The following DGKB variants were observed in gnomAD, a reference collection of about 807,000 sequenced individuals.
DGKB encodes diacylglycerol kinase beta.
Under a neutral mutation model 114.3 loss-of-function variants are expected in DGKB, and 67 were observed. The ratio of observed to expected loss-of-function variants is 0.59; its 90% confidence interval spans 0.48 to 0.72. DGKB has a LOEUF of 0.72. Ranked by LOEUF, DGKB falls within the 30% of genes least tolerant of loss-of-function variation. DGKB has a pLI of 0.00. For missense variants in DGKB, 907 were observed against 975.2 expected (o/e 0.93, Z 0.93); for synonymous variants, 398 against 323.1 (o/e 1.23, Z -2.49).
chr7:14,843,257 C>T (rs1848182752), intron 1 of DGKB, among the ~76,000 whole-genome samples: 1 of 146,830 alleles, frequency 6.8e-6, no homozygotes, highest in Non-Finnish European at 1.5e-5. Flanking sequence ...TATACCAAGA[C>T]ATCACACTGC....
intron 21 of DGKB, among the ~76,000 whole-genome samples, chr7:14,452,389 A>G (rs1029220051): frequency 6.6e-6 from 1 of 152,150 alleles, no homozygotes; most frequent in East Asian, 1.9e-4. Context: ...TTAAAATAAT[A>G]TTTACTTTGC....
At chr7:14,184,338 G>A (rs979767796) in intron 23 of DGKB, among the ~76,000 whole-genome samples, 2 of 152,196 alleles carry the variant, frequency 1.3e-5, no homozygotes, top group African/African-American at 4.8e-5. Flanking sequence ...AAACTCCACA[G>A]GCAGGGGAAG....
At chr7:14,434,166 T>G (rs1171683386) in intron 21 of DGKB, among the ~76,000 whole-genome samples, 1 of 152,180 alleles carries the variant, frequency 6.6e-6, no homozygotes, top group African/African-American at 2.4e-5. Context: ...CAAATTAAGA[T>G]GGACAAGCAA....
At chr7:14,880,707 T>C (rs1426710277) in intron 1 of DGKB, among the ~76,000 whole-genome samples, 1 of 152,176 alleles carries the variant, frequency 6.6e-6, no homozygotes, top group Non-Finnish European at 1.5e-5. Flanking sequence ...TTTATGCTCT[T>C]TTTAACAAAA....
At chr7:14,667,765 T>C (rs1381540629) in intron 13 of DGKB, among the ~76,000 whole-genome samples, 3 of 152,124 alleles carry the variant, frequency 2.0e-5, no homozygotes, top group Non-Finnish European at 4.4e-5. Flanking sequence ...CATTAATTTG[T>C]TTGAAGTATG....
chr7:14,725,846 C>T (rs1467605687), intron 5 of DGKB, among the ~76,000 whole-genome samples: 1 of 152,000 alleles, frequency 6.6e-6, no homozygotes, highest in Admixed American at 6.6e-5. Context: ...CCACGCGCAA[C>T]CAATATGTTG....
intron 1 of DGKB, among the ~76,000 whole-genome samples, chr7:14,965,060 T>A (rs1373075935): frequency 6.6e-6 from 1 of 152,156 alleles, no homozygotes; most frequent in Admixed American, 6.6e-5. Context: ...TTTTATGATG[T>A]TAACACAAAT....
chr7:14,313,723 C>T (rs1169788400), intron 23 of DGKB, among the ~76,000 whole-genome samples: 1 of 152,124 alleles, frequency 6.6e-6, no homozygotes, highest in Non-Finnish European at 1.5e-5. Flanking sequence ...CCGCCATTGC[C>T]CAGGCTTGCT....
At chr7:14,771,002 G>A (rs151058246) in intron 2 of DGKB, among the ~76,000 whole-genome samples, 1 of 151,948 alleles carries the variant, frequency 6.6e-6, no homozygotes, top group East Asian at 1.9e-4. Context: ...AGTTTTATTG[G>A]GGGTATCTGA....
At chr7:14,676,311 A>G (rs904754468) in intron 12 of DGKB, among the ~76,000 whole-genome samples, 23 of 152,056 alleles carry the variant, frequency 1.5e-4, no homozygotes, top group African/African-American at 5.3e-4. Context: ...CTTTCCTTCA[A>G]TGAAAAGCTT....
intron 1 of DGKB, among the ~76,000 whole-genome samples, chr7:14,847,465 T>C (rs1049786465): frequency 6.6e-6 from 1 of 152,188 alleles, no homozygotes; most frequent in Non-Finnish European, 1.5e-5. Flanking sequence ...TTACATGGAA[T>C]ATAAATTCTA....
In DGKB at chr7:14,853,725, G is replaced by A. The variant is rs1047470044; in HGVS notation, c.-187-12275C>T. 6.9e-4 allele frequency among the ~76,000 whole-genome samples: 105 copies of A among 151,620 alleles called. 1 individual carries two copies. Among genetic ancestry groups the A allele is most frequent in the Middle Eastern group, 3.4e-3 (1 of 294 alleles). ...CAACAACAACAACAAAAAATTAGCC[G>A]GGAGTGGTGGTGGGCGCCTGTAGTC... On this transcript the variant is annotated intron_variant, in intron 1 of 25. Transcript: ENST00000402815.
At chr7:14,480,738 A>T (rs1782865763) in intron 20 of DGKB, among the ~76,000 whole-genome samples, 1 of 152,236 alleles carries the variant, frequency 6.6e-6, no homozygotes, top group African/African-American at 2.4e-5. Context: ...CTTCAAACAA[A>T]TTATTTATTC....
At chr7:14,692,086 G>A (rs1431866359) in intron 9 of DGKB, among the ~76,000 whole-genome samples, 1 of 151,842 alleles carries the variant, frequency 6.6e-6, no homozygotes, top group Non-Finnish European at 1.5e-5. Context: ...ATATAGATTT[G>A]TGGACTCTAT....
rs1344933106 is a variant in DGKB, at chr7:14,685,379, A to G, written c.712-17T>C. On this transcript the variant is annotated splice_polypyrimidine_tract_variant and intron_variant, in intron 9 of 25. Transcript: ENST00000402815. ...CTTCACGTTCTGCATGGGACGTAAG[A>G]GAAACAGATTTCACTTAATGAAATA... The G allele has an allele frequency of 6.4e-7, 1 of 1,552,620 alleles. No individual in the cohort carries two copies. The highest frequency in any genetic ancestry group is 8.9e-7 in the Non-Finnish European group (1 of 1,124,664).
chr7:14,196,894 C>T (rs773678427), intron 23 of DGKB, among the ~76,000 whole-genome samples: 5 of 151,926 alleles, frequency 3.3e-5, no homozygotes, highest in Non-Finnish European at 4.4e-5. Flanking sequence ...TTTTAAAAAG[C>T]GTGTTATTTT....
chr7:14,834,080 G>T (rs185120625), intron 2 of DGKB, among the ~76,000 whole-genome samples: 22 of 152,168 alleles, frequency 1.4e-4, no homozygotes, highest in African/African-American at 5.3e-4. Context: ...GTGGAAAGTG[G>T]TAACTAAGGA....
At chr7:14,797,645 T>A (rs2128038994) in intron 2 of DGKB, among the ~76,000 whole-genome samples, 1 of 143,858 alleles carries the variant, frequency 7.0e-6, no homozygotes, top group South Asian at 2.2e-4. Flanking sequence ...CATCTATTTA[T>A]TTTTTTTTTT....
upstream of DGKB, among the ~76,000 whole-genome samples, chr7:14,907,775 G>C (rs895962516): frequency 7.9e-5 from 12 of 152,274 alleles, no homozygotes; most frequent in African/African-American, 2.6e-4. Flanking sequence ...AAATCAGAAA[G>C]GCAATTCTTC....
Sources: gnomAD v4.1 joint callset for allele counts (sites outside exome capture counted in the v4.1 genomes callset) on GRCh38, gnomAD v4.1.1 for gene constraint, MANE v1.5 for transcripts, NCBI Gene and HGNC (gene_info 2026-07-23, HGNC 2026-07-21) for gene names.